WASHC2C: variants seen among roughly 807,000 people sequenced by gnomAD.
WASHC2C encodes the protein Vaccinia Penetration Factor.
Under a neutral mutation model 142.2 loss-of-function variants are expected in WASHC2C, and 73 were observed. That is an observed-to-expected ratio of 0.51 (90% CI 0.43 to 0.62). The LOEUF is 0.62. Ranked by LOEUF, WASHC2C falls within the 20% of genes least tolerant of loss-of-function variation. WASHC2C has a pLI of 0.00. For missense variants in WASHC2C, 969 were observed against 1,531.7 expected (o/e 0.63, Z 6.13); for synonymous variants, 337 against 565.5 (o/e 0.60, Z 5.73).
At chr10:45,773,772 A>G (rs2056825050) in intron 21 of WASHC2C, among the ~76,000 whole-genome samples, 1 of 152,228 alleles carries the variant, frequency 6.6e-6, no homozygotes, top group South Asian at 2.1e-4. Context: ...TGAGGCCGTT[A>G]TACTCCATCA....
rs1554877695 is a variant in WASHC2C at position 45,757,155 on chromosome 10, G to A, written c.1548+16G>A. 2.5e-6 allele frequency: 4 copies of A among 1,610,604 alleles called. No individual in the cohort carries two copies. The Admixed American group carries it at 5.0e-5, about 20-fold the overall frequency. On this transcript the variant is annotated intron_variant, in intron 16 of 30. Transcript: ENST00000623400. ...AGAAAAAAAGGTGAGCAGGAGGGAA[G>A]ACTTAACGCAGGAGCATTGATCTGC...
chr10:45,757,864 C>T (rs1351690282), intron 16 of WASHC2C, among the ~76,000 whole-genome samples: 3 of 152,260 alleles, frequency 2.0e-5, no homozygotes, highest in Non-Finnish European at 4.4e-5. Context: ...CTGCTCACCT[C>T]ACCTCCTGCT....
At position 45,762,071 on chromosome 10, in the gene WASHC2C, C is replaced by T. The variant is rs564925978; in HGVS notation, c.1636-1317C>T. 1.9e-3 allele frequency among the ~76,000 whole-genome samples: 288 copies of T among 149,694 alleles called. 1 individual carries two copies. The highest frequency in any genetic ancestry group is 0.014 in the Middle Eastern group (4 of 286). ...TATCTTCTTGTCCTATTTAATTGTT[C>T]GGCTCTTGTGTATTGAAGTTTATCT... On this transcript the variant is annotated intron_variant, in intron 17 of 30. Transcript: ENST00000623400.
At chr10:45,749,836 A>AAAAAAAAAAAAATATAT (rs1227809519) in intron 8 of WASHC2C, among the ~76,000 whole-genome samples, 1 of 101,780 alleles carries the variant, frequency 9.8e-6, no homozygotes, top group African/African-American at 4.4e-5. Flanking sequence ...AAAAAAAAAA[A>AAAAAAAAAAAAATATAT]ATATATATAT....
chr10:45,784,258 A>ATATATG (rs2057768613), intron 23 of WASHC2C, among the ~76,000 whole-genome samples: 1 of 4,662 alleles, frequency 2.1e-4, no homozygotes, highest in African/African-American at 5.1e-4. Context: ...GTGTGTATAT[A>ATATATG]TATATATATA....
chr10:45,763,151 G>A (rs2055347273), intron 17 of WASHC2C, among the ~76,000 whole-genome samples: 1 of 152,090 alleles, frequency 6.6e-6, no homozygotes, highest in East Asian at 1.9e-4. Context: ...GAAGCCCCTG[G>A]GCTCTGCGAG....
Position 45,748,283 on chromosome 10 carries a change from C to CTTTTTTTTTTTTTTTTTTT in WASHC2C, c.732+1642_732+1660dup. Among the ~76,000 whole-genome samples, 2 of 57,168 alleles carry CTTTTTTTTTTTTTTTTTTT rather than the reference C, an allele frequency of 3.5e-5. 1 individual carries two copies. The highest frequency in any genetic ancestry group is 6.1e-5 in the Non-Finnish European group (2 of 32,950). 37.5% of individuals were successfully genotyped at this position (57,168 alleles called of 152,430 possible). On this transcript the variant is annotated intron_variant, in intron 8 of 30. Transcript: ENST00000623400. Reference sequence around the variant, plus strand: ...TGTAAATGCAAACAGTTTTTCTTTCCTTTTTTTTTTTTTTTTTTTTTTTTG... The same window carrying CTTTTTTTTTTTTTTTTTTT: ...TGTAAATGCAAACAGTTTTTCTTTCCTTTTTTTTTTTTTTTTTTTTTTTTTTTTTTTTTTTTTTTTTTTG...
intron 26 of WASHC2C, among the ~76,000 whole-genome samples, chr10:45,786,130 G>T (rs1284525426): frequency 6.6e-6 from 1 of 152,134 alleles, no homozygotes; most frequent in East Asian, 1.9e-4. Context: ...ACGTGCAGGT[G>T]TCCCAGGGTG....
chr10:45,788,896 G>A lies in WASHC2C; in HGVS notation c.3113G>A (p.Arg1038His), dbSNP rs1293457832. The A allele has an allele frequency of 9.9e-6, 16 of 1,612,054 alleles. No individual in the cohort carries two copies. The highest frequency in any genetic ancestry group is 2.3e-4 in the Middle Eastern group (1 of 4,430). ...NKSRVKMRGK[R>H]RPQTRAARRL... ...AGCCGTGTCAAGATGAGAGGGAAGCGTAGACCGCAGACCCGTGCAGCTAGG... is the reference window on the plus strand; with the variant it reads ...AGCCGTGTCAAGATGAGAGGGAAGCATAGACCGCAGACCCGTGCAGCTAGG... The change falls in exon 29 of 31, where the codon CGT (arginine) becomes CAT (histidine). Residue 1038 changes from arginine to histidine, a missense_variant. Physicochemically the swap from Arg to His is conservative, Grantham distance 29. Coordinates refer to ENST00000623400, the MANE Select transcript of WASHC2C (RefSeq NM_001330074.2).
At chr10:45,754,314 G>A (rs1391522364) in intron 13 of WASHC2C, among the ~76,000 whole-genome samples, 172 bp from the exon 14 acceptor site, 1 of 152,166 alleles carries the variant, frequency 6.6e-6, no homozygotes, top group Non-Finnish European at 1.5e-5. Context: ...AAAAAGTCCT[G>A]ACATCGGTAG....
chr10:45,790,380 A>G lies in WASHC2C; in HGVS notation c.3733A>G (p.Ile1245Val), dbSNP rs2058328646. The change falls in exon 30 of 31, where the codon ATT (isoleucine) becomes GTT (valine). Residue 1245 changes from isoleucine to valine, a missense_variant. Physicochemically the swap from Ile to Val is conservative, Grantham distance 29. Coordinates refer to ENST00000623400, the MANE Select transcript of WASHC2C (RefSeq NM_001330074.2). Reference protein sequence around the residue: ...FEDDIFATEAIKPSQKTREKE... With the variant: ...FEDDIFATEAVKPSQKTREKE... ...GGATGATATATTTGCTACGGAAGCAATTAAACCCTCTCAGAAAACCAGAGA... is the reference window on the plus strand; with the variant it reads ...GGATGATATATTTGCTACGGAAGCAGTTAAACCCTCTCAGAAAACCAGAGA... 3.7e-6 allele frequency: 6 copies of G among 1,610,458 alleles called. No homozygotes were observed. The South Asian group carries it at 6.6e-5, about 18-fold the overall frequency.
chr10:45,773,587 A>T (rs2056801997), intron 21 of WASHC2C, among the ~76,000 whole-genome samples: 1 of 152,306 alleles, frequency 6.6e-6, no homozygotes, highest in African/African-American at 2.4e-5. Flanking sequence ...ACTGGGTCTC[A>T]GAAGAGGCTT....
intron 18 of WASHC2C, among the ~76,000 whole-genome samples, chr10:45,763,938 G>T (rs1394736023): frequency 2.0e-5 from 3 of 152,134 alleles, no homozygotes; most frequent in Admixed American, 6.5e-5. Flanking sequence ...CTGATCTCAG[G>T]TGATCCGCCT....
chr10:45,743,593 C>A, intron 6 of WASHC2C, 110 bp downstream of exon 6: 6 of 1,210,416 alleles, frequency 5.0e-6, no homozygotes, highest in Non-Finnish European at 2.3e-6. Context: ...CTCTCATATA[C>A]CCTTCACCTG....
At chr10:45,768,440 C>T (rs2056201375) in intron 19 of WASHC2C, among the ~76,000 whole-genome samples, 1 of 152,012 alleles carries the variant, frequency 6.6e-6, no homozygotes, top group Admixed American at 6.6e-5. Context: ...CACCCAGGCA[C>T]CCTGTGAAAT....
In WASHC2C at chr10:45,790,360, A is replaced by G; in HGVS notation, c.3713A>G (p.Asp1238Gly). ...ILTTQDIFEDDIFATEAIKPS... is the reference protein window; with the variant it reads ...ILTTQDIFEDGIFATEAIKPS... ...ATGTATTTTTGGCTTAACAAGGATGATATATTTGCTACGGAAGCAATTAAA... is the reference window on the plus strand; with the variant it reads ...ATGTATTTTTGGCTTAACAAGGATGGTATATTTGCTACGGAAGCAATTAAA... The change falls in exon 30 of 31, where the codon GAT becomes GGT. Residue 1238 changes from aspartate (D) to glycine (G), a missense_variant. Coordinates refer to ENST00000623400, the MANE Select transcript of WASHC2C (RefSeq NM_001330074.2). The G allele has an allele frequency of 1.2e-6, 2 of 1,608,250 alleles. No homozygotes were observed. The highest frequency in any genetic ancestry group is 1.7e-6 in the Non-Finnish European group (2 of 1,179,080).
chr10:45,736,405 C>CA (rs71520974), intron 3 of WASHC2C, among the ~76,000 whole-genome samples: 7,548 of 24,622 alleles, frequency 0.31, 1,893 homozygotes, highest in East Asian at 0.42. Flanking sequence ...GACTCCATCT[C>CA]AAAAAAAAAA....
chr10:45,739,112 T>C (rs1457489486), intron 4 of WASHC2C, among the ~76,000 whole-genome samples: 2 of 151,788 alleles, frequency 1.3e-5, no homozygotes, highest in African/African-American at 4.8e-5. Context: ...AGGTATTTAG[T>C]GTACTATTTT....
chr10:45,731,840 G>A (rs2597053), intron 3 of WASHC2C, among the ~76,000 whole-genome samples: 77 of 142,318 alleles, frequency 5.4e-4, no homozygotes, highest in Non-Finnish European at 8.3e-4. Flanking sequence ...TGTCGCCCAG[G>A]CTGGAGTGCA....
Sources: gnomAD v4.1 joint callset for allele counts (sites outside exome capture counted in the v4.1 genomes callset) on GRCh38, gnomAD v4.1.1 for gene constraint, MANE v1.5 for transcripts, NCBI Gene and HGNC (gene_info 2026-07-23, HGNC 2026-07-21) for gene names.